The following FGD4 variants were observed in gnomAD, a reference collection of about 807,000 sequenced individuals.
FGD4 encodes FYVE, RhoGEF and PH domain-containing protein 4.
Under a neutral mutation model 102.0 loss-of-function variants are expected in FGD4, and 42 were observed. That is an observed-to-expected ratio of 0.41 (90% CI 0.32 to 0.53). The LOEUF (loss-of-function observed/expected upper bound fraction) is 0.53. Among genes scored for constraint, FGD4 ranks in the 20% least tolerant of loss-of-function variants. The probability of loss-of-function intolerance (pLI) is 0.21; values close to 1 mark genes in which losing one functional copy is unlikely to be tolerated. For missense variants in FGD4, 902 were observed against 1,078.2 expected, an observed-to-expected ratio of 0.84 and a Z score of 2.29; for synonymous variants, 380 against 375.7, an observed-to-expected ratio of 1.01 and a Z score of -0.13.
chr12:32,441,817 G>A (rs1591908079), intron 1 of FGD4, among the ~76,000 whole-genome samples: 1 of 152,088 alleles, frequency 6.6e-6, no homozygotes, highest in East Asian at 1.9e-4. Flanking sequence ...TGTGGGCACT[G>A]GGATTGGCGA....
intron 7 of FGD4, among the ~76,000 whole-genome samples, chr12:32,603,674 C>T (rs7953989): frequency 0.039 from 5,997 of 151,874 alleles, 182 homozygotes; most frequent in Non-Finnish European, 0.052. Flanking sequence ...CGTGAGCCAC[C>T]GCGCCTGGCC....
Position 32,640,901 on chromosome 12 carries a change from T to C in FGD4, c.*368T>C, listed in dbSNP as rs925762740. ...TTTCACATGTAGGACCTGGAACAGTTTGAAAGATATACCTCCATGTTGCCA... is the reference window on the plus strand; with the variant it reads ...TTTCACATGTAGGACCTGGAACAGTCTGAAAGATATACCTCCATGTTGCCA... On this transcript the variant is annotated 3_prime_UTR_variant, in exon 17 of 17. Transcript: ENST00000534526. 52 of 447,910 alleles carry C rather than the reference T, an allele frequency of 1.2e-4. 1 individual carries two copies. Among genetic ancestry groups the C allele is most frequent in the African/African-American group, 9.5e-4 (48 of 50,428 alleles). 27.7% of individuals were successfully genotyped at this position (447,910 alleles called of 1,614,324 possible).
intron 1 of FGD4, chr12:32,534,554 T>C: frequency 9.1e-7 from 1 of 1,097,816 alleles, no homozygotes; most frequent in Non-Finnish European, 1.2e-6. Context: ...CGTGGGTCAC[T>C]TTATAACACT....
At chr12:32,405,264 T>TTTTC (rs1940882313) in intron 1 of FGD4, among the ~76,000 whole-genome samples, 1 of 143,854 alleles carries the variant, frequency 7.0e-6, no homozygotes, top group Non-Finnish European at 1.5e-5. Flanking sequence ...GTCAGTGGTT[T>TTTTC]TTTTTTTTTT....
At chr12:32,564,024 A>C in intron 1 of FGD4, 113 bp from the exon 2 acceptor site, 2 of 826,436 alleles carry the variant, frequency 2.4e-6, no homozygotes, top group South Asian at 1.8e-5. Flanking sequence ...GGGGAGAGGG[A>C]GAGGGAGGGG....
At chr12:32,627,501 C>T (rs1950254696) in intron 14 of FGD4, among the ~76,000 whole-genome samples, 1 of 152,114 alleles carries the variant, frequency 6.6e-6, no homozygotes, top group Non-Finnish European at 1.5e-5. Flanking sequence ...GAAGTAGAGT[C>T]ATCAGTTGAA....
rs1422761989 is a variant in FGD4, at chr12:32,645,950, T to C, written c.*5417T>C. 3 of 152,184 alleles carry C rather than the reference T, an allele frequency of 2.0e-5. No individual in the cohort carries two copies. Among genetic ancestry groups the C allele is most frequent in the African/African-American group, 7.2e-5 (3 of 41,440 alleles). The allele number at this position is 152,184 out of a possible 1,614,324, so 9.4% of individuals were successfully genotyped here. On this transcript the variant is annotated 3_prime_UTR_variant, in exon 17 of 17. Coordinates refer to ENST00000534526, the MANE Select transcript of FGD4 (RefSeq NM_001370298.3). Reference sequence around the variant, plus strand: ...TATTGTGTAATATATGTATATTTGGTCATAAAAGCAGATAATTGGAAACAT... The same window carrying C: ...TATTGTGTAATATATGTATATTTGGCCATAAAAGCAGATAATTGGAAACAT...
At chr12:32,486,265 T>G (rs947613707) in intron 1 of FGD4, 2 of 974,840 alleles carry the variant, frequency 2.1e-6, no homozygotes, top group Admixed American at 3.5e-5. Flanking sequence ...TACTGTTAAG[T>G]GATAATAATT....
At chr12:32,633,263 G>T (rs1270909284) in intron 14 of FGD4, among the ~76,000 whole-genome samples, 1 of 152,122 alleles carries the variant, frequency 6.6e-6, no homozygotes, top group Non-Finnish European at 1.5e-5. Flanking sequence ...AAGTTCGTGA[G>T]CAGTTTGGAA....
chr12:32,475,140 C>G (rs1483361880), intron 1 of FGD4, among the ~76,000 whole-genome samples: 1 of 152,144 alleles, frequency 6.6e-6, no homozygotes, highest in African/African-American at 2.4e-5. Context: ...CTCTTTGGCC[C>G]TCATCTCCAT....
chr12:32,494,891 TC>T (rs1440963012), intron 1 of FGD4, among the ~76,000 whole-genome samples: 2 of 152,066 alleles, frequency 1.3e-5, no homozygotes, highest in African/African-American at 4.8e-5. Flanking sequence ...TGACTAGACC[TC>T]CCACCCTTTT....
chr12:32,438,216 T>G (rs1942298222), intron 1 of FGD4, among the ~76,000 whole-genome samples: 1 of 152,172 alleles, frequency 6.6e-6, no homozygotes, highest in Non-Finnish European at 1.5e-5. Context: ...AACCATTTCT[T>G]CCCATCTTAG....
At chr12:32,611,912 C>A (rs1016071616) in intron 10 of FGD4, among the ~76,000 whole-genome samples, 3 of 152,222 alleles carry the variant, frequency 2.0e-5, no homozygotes, top group African/African-American at 7.2e-5. Context: ...CGGGAAGCCC[C>A]CTGTACCCCT....
intron 1 of FGD4, among the ~76,000 whole-genome samples, chr12:32,428,568 C>T (rs1470545836): frequency 6.6e-6 from 1 of 152,050 alleles, no homozygotes; most frequent in Non-Finnish European, 1.5e-5. Flanking sequence ...CGAGGAGTAT[C>T]TTTATGGTGT....
intron 1 of FGD4, among the ~76,000 whole-genome samples, chr12:32,519,130 A>G (rs921271246): frequency 8.7e-5 from 13 of 150,142 alleles, no homozygotes; most frequent in Non-Finnish European, 1.9e-4. Flanking sequence ...AAAAAAAAAA[A>G]AAAAAAAAAA....
At chr12:32,549,874 C>G (rs1336590124) in intron 1 of FGD4, among the ~76,000 whole-genome samples, 1 of 152,192 alleles carries the variant, frequency 6.6e-6, no homozygotes, top group African/African-American at 2.4e-5. Flanking sequence ...GTCATCCTTT[C>G]CTCCTCCTTG....
chr12:32,476,345 C>T (rs560786342), intron 1 of FGD4, among the ~76,000 whole-genome samples: 3 of 152,270 alleles, frequency 2.0e-5, no homozygotes, highest in African/African-American at 4.8e-5. Context: ...TATTTTCTCA[C>T]GCATGGTCTT....
chr12:32,605,136 G>A (rs10161100), intron 7 of FGD4, among the ~76,000 whole-genome samples: 1,944 of 151,310 alleles, frequency 0.013, 40 homozygotes, highest in African/African-American at 0.046. Flanking sequence ...ACGGGGTTTC[G>A]CCATGTTGGC....
rs541559742 is a variant in FGD4 at position 32,428,008 on chromosome 12, CTT to C, written c.166+28051_166+28052del. 4.3e-3 allele frequency among the ~76,000 whole-genome samples: 658 copies of C among 152,232 alleles called. 4 individuals carry two copies. The highest frequency in any genetic ancestry group is 0.015 in the African/African-American group (627 of 41,534). On this transcript the variant is annotated intron_variant, in intron 1 of 16. Transcript: ENST00000534526. ...TACAGCACACCAATGGGTCTTGACT[CTT>C]TATCTAATTTGCCAGTCTGTGTCTT...
Sources: allele counts gnomAD v4.1 joint callset (sites outside exome capture counted in the v4.1 genomes callset), GRCh38; gene constraint gnomAD v4.1.1; transcripts MANE v1.5; gene names NCBI Gene and HGNC (gene_info 2026-07-23, HGNC 2026-07-21).